Variants in ARHGEF3 observed in about 807,000 individuals in gnomAD.
The protein encoded by ARHGEF3 is 59.8 kDA protein.
ARHGEF3 carries 28 observed loss-of-function variants against 63.2 expected under a neutral mutation model. The ratio of observed to expected loss-of-function variants is 0.44; its 90% CI spans 0.33 to 0.61. The LOEUF (loss-of-function observed/expected upper bound fraction) is 0.61. Ranked by LOEUF, ARHGEF3 falls within the 20% of genes least tolerant of loss-of-function variation. ARHGEF3 has a pLI of 0.03. For missense variants in ARHGEF3, 533 were observed against 659.3 expected, an observed-to-expected ratio of 0.81 and a Z score of 2.10; for synonymous variants, 266 against 254.2, an observed-to-expected ratio of 1.05 and a Z score of -0.44.
In ARHGEF3 at chr3:56,801,826, T is replaced by C; in HGVS notation, c.-28A>G. On this transcript the variant is annotated 5_prime_UTR_variant, in exon 1 of 10. Coordinates refer to ENST00000296315, the MANE Select transcript of ARHGEF3 (RefSeq NM_019555.3). The stretch of plus-strand genomic sequence containing the variant: ...CGGCTGCCGGGCCTGCCCTTTGGGA[T>C]GTCACCGCTGACCCTAGGCGACTAC... The C allele has an allele frequency of 6.4e-7, 1 of 1,553,108 alleles. No homozygotes were observed. Among genetic ancestry groups the C allele is most frequent in the Admixed American group, 2.0e-5 (1 of 51,178 alleles).
rs1324140979 is a variant in ARHGEF3, at chr3:56,732,517, C to A, written c.1042-93G>T. 6 of 1,406,358 alleles carry A rather than the reference C, an allele frequency of 4.3e-6. No homozygotes were observed. The African/African-American group carries it at 5.7e-5, about 13-fold the overall frequency. 87.1% of individuals were successfully genotyped at this position (1,406,358 alleles called of 1,614,324 possible). A position where few individuals can be genotyped will look rare whatever the true frequency, so the allele number is the denominator to read the frequency against. ...TGTGGATAAAGAGGTCCCCAGGTAC[C>A]AGGTTCACACTGGATTATGAACTCC... On this transcript the variant is annotated intron_variant, in intron 8 of 9. Transcript: ENST00000296315.
At chr3:57,042,395 A>G (rs1704223091) in intron 1 of ARHGEF3, among the ~76,000 whole-genome samples, 1 of 152,014 alleles carries the variant, frequency 6.6e-6, no homozygotes, top group Admixed American at 6.6e-5. Context: ...TTTCTAGCAA[A>G]AGAAAAACCC....
intron 2 of ARHGEF3, among the ~76,000 whole-genome samples, chr3:57,008,621 CA>C (rs1374963986): frequency 2.0e-5 from 3 of 152,090 alleles, no homozygotes; most frequent in African/African-American, 7.2e-5. Context: ...GGATTATAGG[CA>C]ATTACACCCA....
intron 1 of ARHGEF3, among the ~76,000 whole-genome samples, chr3:57,071,952 A>G (rs1705930008): frequency 6.6e-6 from 1 of 152,250 alleles, no homozygotes; most frequent in African/African-American, 2.4e-5. Flanking sequence ...ATTTAAAAAT[A>G]GATAAAAGAC....
intron 2 of ARHGEF3, among the ~76,000 whole-genome samples, chr3:56,964,691 T>C (rs575563578): frequency 6.6e-6 from 1 of 152,060 alleles, no homozygotes; most frequent in African/African-American, 2.4e-5. Flanking sequence ...TGCTTTTTTT[T>C]AAGTGGTAGT....
chr3:56,801,548 C>T (rs1337958465), intron 1 of ARHGEF3, among the ~76,000 whole-genome samples, 155 bp downstream of exon 1: 2 of 152,076 alleles, frequency 1.3e-5, no homozygotes, highest in East Asian at 1.9e-4. Context: ...ACAAAGAAGA[C>T]TGTGGGAGAG....
At chr3:56,809,396 G>C (rs1444894273) in intron 4 of ARHGEF3, among the ~76,000 whole-genome samples, 1 of 152,160 alleles carries the variant, frequency 6.6e-6, no homozygotes, top group Admixed American at 6.5e-5. Context: ...CACTATATTT[G>C]TTTTGGGGGG....
intron 1 of ARHGEF3, chr3:56,775,705 C>T: frequency 6.1e-6 from 6 of 985,488 alleles, no homozygotes; most frequent in Non-Finnish European, 7.2e-6. Context: ...GTGCCAGGCT[C>T]TTGAGCATTT....
chr3:57,016,061 A>T (rs1216985065), intron 2 of ARHGEF3, among the ~76,000 whole-genome samples: 3 of 152,092 alleles, frequency 2.0e-5, no homozygotes, highest in Non-Finnish European at 4.4e-5. Flanking sequence ...CCCTAGTGGC[A>T]CTCACACCCA....
At chr3:56,937,816 A>G (rs1260985239) in intron 3 of ARHGEF3, among the ~76,000 whole-genome samples, 1 of 152,252 alleles carries the variant, frequency 6.6e-6, no homozygotes, top group East Asian at 1.9e-4. Context: ...GTGCTGAGTC[A>G]TAAGTTTTCT....
At chr3:56,874,308 A>G (rs2040519286) in intron 4 of ARHGEF3, among the ~76,000 whole-genome samples, 1 of 152,198 alleles carries the variant, frequency 6.6e-6, no homozygotes, top group South Asian at 2.1e-4. Flanking sequence ...TCTCAGCTAG[A>G]GGCCTGGTCT....
intron 4 of ARHGEF3, among the ~76,000 whole-genome samples, chr3:56,823,986 GAA>G (rs5849170): frequency 0.025 from 3,151 of 126,340 alleles, 71 homozygotes; most frequent in African/African-American, 0.067. Context: ...TTGAGGAAAG[GAA>G]AAAAAAAAAA....
At chr3:56,920,437 G>A in intron 3 of ARHGEF3, among the ~76,000 whole-genome samples, 1 of 152,188 alleles carries the variant, frequency 6.6e-6, no homozygotes, top group Non-Finnish European at 1.5e-5. Context: ...ATTTTCTGTT[G>A]AGAAGTTCCA....
intron 2 of ARHGEF3, among the ~76,000 whole-genome samples, chr3:56,993,359 G>C (rs1389502686): frequency 6.6e-6 from 1 of 151,930 alleles, no homozygotes; most frequent in Non-Finnish European, 1.5e-5. Context: ...ATAACTTTGT[G>C]GGGGTTTTTT....
intron 4 of ARHGEF3, among the ~76,000 whole-genome samples, chr3:56,819,258 G>C (rs2038378962): frequency 1.3e-5 from 2 of 152,186 alleles, no homozygotes; most frequent in African/African-American, 4.8e-5. Context: ...TATGTATCAA[G>C]GGCTGTCAAC....
intron 2 of ARHGEF3, among the ~76,000 whole-genome samples, chr3:57,017,003 CTGT>C (rs1278521523): frequency 5.1e-5 from 6 of 116,610 alleles, no homozygotes; most frequent in African/African-American, 2.0e-4. Context: ...AGCTTTCTCT[CTGT>C]CTCTCTCTCT....
intron 2 of ARHGEF3, among the ~76,000 whole-genome samples, chr3:56,755,862 A>G (rs912932207): frequency 2.6e-5 from 4 of 152,172 alleles, no homozygotes; most frequent in Admixed American, 2.0e-4. Flanking sequence ...GGAGTGACCA[A>G]TGGAGGCAGG....
At chr3:57,046,160 C>G (rs1240798797) in intron 1 of ARHGEF3, among the ~76,000 whole-genome samples, 1 of 152,176 alleles carries the variant, frequency 6.6e-6, no homozygotes, top group East Asian at 1.9e-4. Context: ...GCACAGATGA[C>G]CAAGATATAT....
chr3:57,063,969 A>C (rs1009075994), intron 1 of ARHGEF3, among the ~76,000 whole-genome samples: 5 of 152,240 alleles, frequency 3.3e-5, no homozygotes, highest in African/African-American at 1.2e-4. Context: ...CTGCCTTAAA[A>C]AGGAGGGAAA....
Sources: gnomAD v4.1 joint callset for allele counts (sites outside exome capture counted in the v4.1 genomes callset) on GRCh38, gnomAD v4.1.1 for gene constraint, MANE v1.5 for transcripts, NCBI Gene and HGNC (gene_info 2026-07-23, HGNC 2026-07-21) for gene names.